SUPT3H: variants seen among roughly 807,000 people sequenced by gnomAD.
SUPT3H encodes the protein SPT3 homolog, SAGA and STAGA complex component.
Under a neutral mutation model 44.3 loss-of-function variants are expected in SUPT3H, and 44 were observed. The ratio of observed to expected loss-of-function variants is 0.99; its 90% CI spans 0.78 to 1.28. The LOEUF (loss-of-function observed/expected upper bound fraction) is 1.28. Ranked by LOEUF, SUPT3H falls within the 50% of genes most tolerant of loss-of-function variation. The pLI is 0.00. For synonymous variants in SUPT3H, 124 were observed against 125.6 expected, an observed-to-expected ratio of 0.99 and a Z score of 0.09; for missense variants, 380 against 387.1, an observed-to-expected ratio of 0.98 and a Z score of 0.15.
At chr6:44,871,020 G>C (rs1003815187) in intron 10 of SUPT3H, among the ~76,000 whole-genome samples, 10 of 150,106 alleles carry the variant, frequency 6.7e-5, no homozygotes, top group African/African-American at 2.2e-4. Context: ...CTCGCTGATT[G>C]CTAGCACAGC....
chr6:45,275,651 A>G (rs1191503982), intron 2 of SUPT3H, among the ~76,000 whole-genome samples: 1 of 152,200 alleles, frequency 6.6e-6, no homozygotes, highest in Non-Finnish European at 1.5e-5. Flanking sequence ...CCTGTAATTT[A>G]GTTAATAGTA....
At chr6:45,157,693 C>G (rs761749698) in intron 2 of SUPT3H, among the ~76,000 whole-genome samples, 1 of 151,742 alleles carries the variant, frequency 6.6e-6, no homozygotes, top group African/African-American at 2.4e-5. Flanking sequence ...GGATTACAGG[C>G]GCGCACCACC....
chr6:45,026,823 T>C (rs1786082279), intron 3 of SUPT3H, among the ~76,000 whole-genome samples: 1 of 152,218 alleles, frequency 6.6e-6, no homozygotes, highest in East Asian at 1.9e-4. Context: ...CTCTTGACTT[T>C]ACCTATGAAA....
chr6:45,042,573 C>G (rs961744277), intron 3 of SUPT3H, among the ~76,000 whole-genome samples: 10 of 152,022 alleles, frequency 6.6e-5, no homozygotes, highest in African/African-American at 2.4e-4. Flanking sequence ...TTTAATTATA[C>G]TTTAAGTTTT....
chr6:45,256,531 A>T (rs1016203260), intron 2 of SUPT3H, among the ~76,000 whole-genome samples: 1 of 152,130 alleles, frequency 6.6e-6, no homozygotes. Flanking sequence ...AGATTTCAAC[A>T]TGAATTCTGG....
chr6:45,019,476 G>C (rs1003934794), intron 4 of SUPT3H, among the ~76,000 whole-genome samples: 43 of 151,942 alleles, frequency 2.8e-4, no homozygotes, highest in Non-Finnish European at 5.0e-4. Context: ...GCTTTCTCTT[G>C]TGGGCATTTA....
chr6:45,104,748 A>G (rs945172519), intron 3 of SUPT3H, among the ~76,000 whole-genome samples: 2 of 152,076 alleles, frequency 1.3e-5, no homozygotes, highest in Admixed American at 6.6e-5. Flanking sequence ...TAAAAGAAGA[A>G]AAATATTAAA....
intron 10 of SUPT3H, among the ~76,000 whole-genome samples, chr6:44,872,672 C>T (rs1287289154): frequency 3.2e-5 from 3 of 93,822 alleles, no homozygotes; most frequent in African/African-American, 7.2e-5. Flanking sequence ...TATAAATGGA[C>T]TAAATTCTGC....
chr6:45,172,872 G>A (rs1049785422), intron 2 of SUPT3H, among the ~76,000 whole-genome samples: 2 of 152,146 alleles, frequency 1.3e-5, no homozygotes, highest in African/African-American at 4.8e-5. Flanking sequence ...TTACAAGTGT[G>A]AGCCACCACA....
Position 44,953,292 on chromosome 6 carries a change from G to T in SUPT3H, c.801+18C>A. 1 of 1,599,654 alleles carries T rather than the reference G, an allele frequency of 6.3e-7. No homozygotes were observed. Among genetic ancestry groups the T allele is most frequent in the Non-Finnish European group, 8.6e-7 (1 of 1,167,502 alleles). ...CAAAATTCACAAATGTTTTAAGACAGATTTTTTTTGTACTTACCTCAGCAG... is the reference window on the plus strand; with the variant it reads ...CAAAATTCACAAATGTTTTAAGACATATTTTTTTTGTACTTACCTCAGCAG... On this transcript the variant is annotated intron_variant, in intron 9 of 10. Coordinates refer to ENST00000371459, the MANE Select transcript of SUPT3H (RefSeq NM_003599.4).
intron 2 of SUPT3H, among the ~76,000 whole-genome samples, chr6:45,249,293 T>C (rs1004451401): frequency 6.6e-6 from 1 of 152,190 alleles, no homozygotes; most frequent in African/African-American, 2.4e-5. Flanking sequence ...TTGTCTATCA[T>C]GTAGATAAAA....
intron 5 of SUPT3H, among the ~76,000 whole-genome samples, chr6:45,008,233 T>C (rs1365029820): frequency 6.6e-6 from 1 of 152,336 alleles, no homozygotes; most frequent in Non-Finnish European, 1.5e-5. Flanking sequence ...GGTAAATCTA[T>C]GTTTACCCTT....
chr6:44,908,667 C>T (rs1766510424), intron 10 of SUPT3H, among the ~76,000 whole-genome samples: 1 of 152,084 alleles, frequency 6.6e-6, no homozygotes, highest in Admixed American at 6.5e-5. Flanking sequence ...CACCTTTACA[C>T]CCCAGAAAGT....
chr6:45,322,741 G>A (rs556975573), intron 2 of SUPT3H: 16 of 633,122 alleles, frequency 2.5e-5, no homozygotes, highest in Non-Finnish European at 1.4e-5. Context: ...GTCAAGACAT[G>A]TATTCCTAAA....
chr6:45,309,002 G>A (rs79558000), intron 2 of SUPT3H, among the ~76,000 whole-genome samples: 3,921 of 141,778 alleles, frequency 0.028, 181 homozygotes, highest in African/African-American at 0.096. Context: ...TGCACAATTT[G>A]GTTATGCAAA....
At chr6:45,249,923 C>T (rs1772074914) in intron 2 of SUPT3H, among the ~76,000 whole-genome samples, 8 of 152,136 alleles carry the variant, frequency 5.3e-5, no homozygotes, top group Admixed American at 4.6e-4. Flanking sequence ...TTCTGCTCAG[C>T]TGCAAAAGTA....
At chr6:45,350,622 A>G (rs914897430) in intron 2 of SUPT3H, among the ~76,000 whole-genome samples, 1 of 152,192 alleles carries the variant, frequency 6.6e-6, no homozygotes, top group Admixed American at 6.5e-5. Flanking sequence ...ACTAACTTCA[A>G]AGCAAATAAT....
At chr6:44,904,242 G>A (rs1765606895) in intron 10 of SUPT3H, among the ~76,000 whole-genome samples, 1 of 152,190 alleles carries the variant, frequency 6.6e-6, no homozygotes, top group South Asian at 2.1e-4. Flanking sequence ...CCTGTCTGCA[G>A]ATGACATGAT....
intron 10 of SUPT3H, among the ~76,000 whole-genome samples, chr6:44,845,372 A>G (rs896917946): frequency 3.3e-5 from 5 of 152,190 alleles, no homozygotes; most frequent in African/African-American, 1.2e-4. Context: ...GCATTTCTCT[A>G]TGGAGGGCTT....
Sources: allele counts gnomAD v4.1 joint callset (sites outside exome capture counted in the v4.1 genomes callset), GRCh38; gene constraint gnomAD v4.1.1; transcripts MANE v1.5; gene names NCBI Gene and HGNC (gene_info 2026-07-23, HGNC 2026-07-21).